Variants in IL1RAPL2 observed in about 807,000 individuals in gnomAD.
IL1RAPL2 encodes the protein X-linked interleukin-1 receptor accessory protein-like 2.
In IL1RAPL2, 3 loss-of-function variants were observed where a neutral mutation model predicts 44.1. That is an observed-to-expected ratio of 0.07 (90% CI 0.03 to 0.18). The LOEUF (loss-of-function observed/expected upper bound fraction) is 0.18, where lower values mean the gene tolerates loss of function less well. Among genes scored for constraint, IL1RAPL2 ranks in the 10% least tolerant of loss-of-function variants. IL1RAPL2 has a pLI of 1.00. For missense variants in IL1RAPL2, 391 were observed against 496.4 expected (o/e 0.79, Z 2.02); for synonymous variants, 181 against 178.8 (o/e 1.01, Z -0.10).
chrX:105,243,336 C>G (rs1464812560), intron 4 of IL1RAPL2, among the ~76,000 whole-genome samples: 1 of 108,915 alleles, frequency 9.2e-6, no homozygotes, highest in African/African-American at 3.4e-5. Flanking sequence ...TGAAGACGTG[C>G]CTTGTTTCCC....
chrX:105,350,212 A>G (rs1389302653), intron 5 of IL1RAPL2, among the ~76,000 whole-genome samples: 1 of 111,404 alleles, frequency 9.0e-6, no homozygotes, highest in Non-Finnish European at 1.9e-5. Context: ...AAAACCTTCA[A>G]TGGCTCCCTA....
At chrX:104,907,772 A>G (rs1159095301) in intron 2 of IL1RAPL2, among the ~76,000 whole-genome samples, 8 of 110,548 alleles carry the variant, frequency 7.2e-5, no homozygotes, top group East Asian at 2.9e-4. Context: ...AAAAAAATGT[A>G]TATTCTGTTG....
chrX:105,202,038 G>A (rs1408451659), intron 3 of IL1RAPL2, among the ~76,000 whole-genome samples: 2 of 111,467 alleles, frequency 1.8e-5, no homozygotes, highest in Non-Finnish European at 3.8e-5. Flanking sequence ...AAATTATATA[G>A]GAAAATTTTT....
chrX:105,278,585 T>C (rs2034503848), intron 5 of IL1RAPL2, among the ~76,000 whole-genome samples: 2 of 111,580 alleles, frequency 1.8e-5, no homozygotes, highest in Non-Finnish European at 1.9e-5. Context: ...CTAGATCCAA[T>C]AGAGTAGAGC....
intron 2 of IL1RAPL2, among the ~76,000 whole-genome samples, chrX:104,843,605 T>G (rs1921966793): frequency 9.1e-6 from 1 of 110,490 alleles, no homozygotes. Flanking sequence ...TACTCAGGGC[T>G]GGCAGCACAG....
At chrX:105,533,347 C>A (rs990864250) in intron 6 of IL1RAPL2, among the ~76,000 whole-genome samples, 2 of 111,685 alleles carry the variant, frequency 1.8e-5, no homozygotes, top group Non-Finnish European at 3.8e-5. Flanking sequence ...GTCCTATGTA[C>A]CCTTTCCCCA....
intron 2 of IL1RAPL2, among the ~76,000 whole-genome samples, chrX:105,087,039 T>C (rs1472590373): frequency 9.0e-6 from 1 of 110,942 alleles, no homozygotes; most frequent in African/African-American, 3.3e-5. Flanking sequence ...TTTAGAAAGT[T>C]GTCCAAGACA....
intron 2 of IL1RAPL2, among the ~76,000 whole-genome samples, chrX:104,890,386 A>G (rs1190557648): frequency 1.8e-5 from 2 of 111,906 alleles, no homozygotes; most frequent in Admixed American, 1.9e-4. Context: ...GTCTTCCACA[A>G]TGATAGAACT....
chrX:104,676,592 C>T (rs1455839282), intron 2 of IL1RAPL2, among the ~76,000 whole-genome samples: 1 of 111,326 alleles, frequency 9.0e-6, no homozygotes, highest in East Asian at 2.8e-4. Flanking sequence ...AGTTTATCTT[C>T]TCGAGGAGTA....
At chrX:104,841,236 C>T (rs1158994282) in intron 2 of IL1RAPL2, among the ~76,000 whole-genome samples, 2 of 111,551 alleles carry the variant, frequency 1.8e-5, no homozygotes, top group African/African-American at 6.5e-5. Flanking sequence ...TTTCCATTTG[C>T]TTGGTAAATA....
intron 5 of IL1RAPL2, among the ~76,000 whole-genome samples, chrX:105,442,014 G>C (rs5962522): frequency 0.031 from 3,460 of 109,914 alleles, 103 homozygotes; most frequent in African/African-American, 0.095. Context: ...CTACAAAAAG[G>C]CTCATTATTA....
intron 5 of IL1RAPL2, among the ~76,000 whole-genome samples, chrX:105,470,110 G>A (rs2147770186): frequency 9.0e-6 from 1 of 111,392 alleles, no homozygotes; most frequent in Admixed American, 9.6e-5. Flanking sequence ...CCTGAGAATG[G>A]CATAAGATAG....
chrX:105,599,142 A>G lies in IL1RAPL2; in HGVS notation c.772+114755A>G, dbSNP rs150102880. Reference sequence around the variant, plus strand: ...GCCACTTATGTCCTACATAATTCATATATTATTTCTAATTAGATTTTTTCC... The same window carrying G: ...GCCACTTATGTCCTACATAATTCATGTATTATTTCTAATTAGATTTTTTCC... On this transcript the variant is annotated intron_variant, in intron 6 of 10. Coordinates refer to ENST00000372582, the MANE Select transcript of IL1RAPL2 (RefSeq NM_017416.2). Among the ~76,000 whole-genome samples the G allele has an allele frequency of 3.2e-3, 359 of 112,337 alleles. 4 individuals are homozygous for G. Among genetic ancestry groups the G allele is most frequent in the Non-Finnish European group, 5.4e-3 (289 of 53,213 alleles).
intron 2 of IL1RAPL2, among the ~76,000 whole-genome samples, chrX:104,888,457 T>TGTCAGAATTTA (rs1185031287): frequency 9.0e-6 from 1 of 111,283 alleles, no homozygotes. Flanking sequence ...AGCAATTTAC[T>TGTCAGAATTTA]CCTACCTTTA....
At chrX:105,539,811 A>T (rs1349853479) in intron 6 of IL1RAPL2, among the ~76,000 whole-genome samples, 2 of 111,972 alleles carry the variant, frequency 1.8e-5, no homozygotes, top group African/African-American at 6.5e-5. Context: ...TGATGAACTT[A>T]AACAATTGTA....
At chrX:105,066,781 T>A (rs1258167563) in intron 2 of IL1RAPL2, among the ~76,000 whole-genome samples, 2 of 111,830 alleles carry the variant, frequency 1.8e-5, no homozygotes, top group East Asian at 5.6e-4. Flanking sequence ...GCATCAGGAA[T>A]ATTACAGTGA....
intron 2 of IL1RAPL2, among the ~76,000 whole-genome samples, chrX:104,707,408 G>A (rs1464025412): frequency 8.9e-6 from 1 of 111,761 alleles, no homozygotes; most frequent in Non-Finnish European, 1.9e-5. Flanking sequence ...GTATGAAAGA[G>A]TTCCAACAGT....
At chrX:104,992,417 C>T (rs1051604213) in intron 2 of IL1RAPL2, among the ~76,000 whole-genome samples, 6 of 111,350 alleles carry the variant, frequency 5.4e-5, no homozygotes, top group African/African-American at 2.0e-4. Context: ...AGTTTGAACT[C>T]CTTATCTCTT....
intron 8 of IL1RAPL2, among the ~76,000 whole-genome samples, chrX:105,744,913 A>G (rs1815100232): frequency 8.9e-6 from 1 of 111,737 alleles, no homozygotes; most frequent in African/African-American, 3.3e-5. Flanking sequence ...GGGGCATATC[A>G]TTGAATCTCT....
Sources: gnomAD v4.1 joint callset for allele counts (sites outside exome capture counted in the v4.1 genomes callset) on GRCh38, gnomAD v4.1.1 for gene constraint, MANE v1.5 for transcripts, NCBI Gene and HGNC (gene_info 2026-07-23, HGNC 2026-07-21) for gene names.